The following CRTC2 variants were observed in gnomAD, a reference collection of about 807,000 sequenced individuals.
CRTC2 encodes the protein CREB regulated transcription coactivator 2, also known as CREB-regulated transcription coactivator 2.
In CRTC2, 25 loss-of-function variants were observed where a neutral mutation model predicts 70.9. The ratio of observed to expected loss-of-function variants is 0.35; its 90% confidence interval spans 0.26 to 0.49. CRTC2 has a LOEUF of 0.49. Ranked by LOEUF, CRTC2 falls within the 20% of genes least tolerant of loss-of-function variation. The probability of loss-of-function intolerance (pLI) is 0.98; values close to 1 mark genes in which losing one functional copy is unlikely to be tolerated. For missense variants in CRTC2, 737 were observed against 882.6 expected, an observed-to-expected ratio of 0.83 and a Z score of 2.09; for synonymous variants, 330 against 364.1, an observed-to-expected ratio of 0.91 and a Z score of 1.07.
chr1:153,958,555 G>T lies in CRTC2; in HGVS notation c.-58C>A. 1 of 1,482,894 alleles carries T rather than the reference G, an allele frequency of 6.7e-7. No homozygotes were observed. The highest frequency in any genetic ancestry group is 9.0e-7 in the Non-Finnish European group (1 of 1,109,090). 91.9% of individuals were successfully genotyped at this position (1,482,894 alleles called of 1,614,324 possible). Reference sequence around the variant, plus strand: ...AGTACCAGCCGCGGCCTCCGCCGCGGCCTCGGCCCGGCTCCTCCAGCCGTA... The same window carrying T: ...AGTACCAGCCGCGGCCTCCGCCGCGTCCTCGGCCCGGCTCCTCCAGCCGTA... On this transcript the variant is annotated 5_prime_UTR_variant, in exon 1 of 14. Transcript: ENST00000368633.
intron 8 of CRTC2, 47 bp downstream of exon 8, chr1:153,952,524 G>A: frequency 6.2e-7 from 1 of 1,612,580 alleles, no homozygotes; most frequent in Admixed American, 1.7e-5. Flanking sequence ...CCATGGCAAG[G>A]GGATAGCAGA....
chr1:153,947,953 A>G lies in CRTC2; in HGVS notation c.*156T>C. The G allele has an allele frequency of 1.2e-6, 1 of 801,496 alleles. No homozygotes were observed. Among genetic ancestry groups the G allele is most frequent in the Non-Finnish European group, 2.0e-6 (1 of 493,952 alleles). The allele number at this position is 801,496 out of a possible 1,614,324, so 49.6% of individuals were successfully genotyped here. A position where few individuals can be genotyped will look rare whatever the true frequency, so the allele number is the denominator to read the frequency against. On this transcript the variant is annotated 3_prime_UTR_variant, in exon 14 of 14. Coordinates refer to ENST00000368633, the MANE Select transcript of CRTC2 (RefSeq NM_181715.3). ...TGCGCAGAATTCAGGGGCCACCTGG[A>G]CAAACCCCTTGCTTTTTCTCATTCT...
intron 11 of CRTC2, among the ~76,000 whole-genome samples, chr1:153,949,993 C>G (rs1210227409): frequency 8.5e-5 from 13 of 152,172 alleles, no homozygotes; most frequent in Non-Finnish European, 2.9e-5. Context: ...TACAGTGGTG[C>G]AATCATAGTT....
intron 9 of CRTC2, 31 bp downstream of exon 9, chr1:153,952,366 C>T: frequency 1.2e-6 from 2 of 1,612,728 alleles, no homozygotes; most frequent in Non-Finnish European, 1.7e-6. Context: ...TTCCTTCCCC[C>T]ACCTCTCAGC....
Position 153,951,393 on chromosome 1 carries a change from G to A in CRTC2, c.1271C>T (p.Ser424Phe). The A allele has an allele frequency of 1.2e-6, 2 of 1,610,616 alleles. No homozygotes were observed. The highest frequency in any genetic ancestry group is 2.2e-5 in the East Asian group (1 of 44,776). The change falls in exon 11 of 14, where the codon TCC becomes TTC. Residue 424 changes from serine (S) to phenylalanine (F), a missense_variant. This residue lies in a region of CRTC2 where 699 missense variants were observed against 823.7 expected (regional missense o/e 0.85). Coordinates refer to ENST00000368633, the MANE Select transcript of CRTC2 (RefSeq NM_181715.3). ...PSYPASTPGASPHHRRVPLSP... is the reference protein window; with the variant it reads ...PSYPASTPGAFPHHRRVPLSP... ...GAGGGGCACACGGCGGTGGTGGGGG[G>A]AGGCCCCAGGGGTAGAAGCAGGGTA...
intron 11 of CRTC2, 37 bp from the exon 12 acceptor site, chr1:153,949,421 G>A (rs770299090): frequency 3.9e-6 from 6 of 1,544,430 alleles, no homozygotes; most frequent in Non-Finnish European, 5.2e-6. Context: ...TTACTGCTCA[G>A]TGTATACCCC....
chr1:153,954,402 T>C, intron 3 of CRTC2, 86 bp from the exon 4 acceptor site: 2 of 935,592 alleles, frequency 2.1e-6, no homozygotes, highest in East Asian at 2.6e-5. Flanking sequence ...AGCAGATAAG[T>C]TGTTTCAAGA....
rs201148360 is a variant in CRTC2 at position 153,951,428 on chromosome 1, G to A, written c.1236C>T (p.Gly412=). Residue 412 remains glycine, a synonymous_variant, in exon 11 of 14, where the codon GGC becomes GGT. Transcript: ENST00000368633. Reference sequence around the variant, plus strand: ...GGGTAGAAGCAGGGTAAGAGGGGGCGCCCAAAACAGGAGATGAAGTGGAGG... The same window carrying A: ...GGGTAGAAGCAGGGTAAGAGGGGGCACCCAAAACAGGAGATGAAGTGGAGG... ...SSSSTSSPVL[G]APSYPASTPG... is the part of the protein sequence containing the mutation. 34 of 1,602,508 alleles carry A rather than the reference G, an allele frequency of 2.1e-5. No homozygotes were observed. Among genetic ancestry groups the A allele is most frequent in the Middle Eastern group, 1.7e-4 (1 of 5,988 alleles).
In CRTC2 at chr1:153,958,384, C is replaced by A. The variant is rs767939805; in HGVS notation, c.114G>T (p.Ala38=). The A allele has an allele frequency of 2.3e-5, 37 of 1,613,072 alleles. No homozygotes were observed. In the South Asian group the frequency reaches 4.1e-4, roughly 18 times the overall value. ...TGTCCATCATCACCTCCTCGAAGGC[C>A]GCCGTCTCCTCGGCCTGACGCTGCT... ...LQKQRQAEET[A]AFEEVMMDIG... is the part of the protein sequence containing the mutation. The change falls in exon 1 of 14, where the codon GCG becomes GCT. Residue 38 remains alanine, a synonymous_variant. Transcript: ENST00000368633.
rs569693574 is a variant in CRTC2, at chr1:153,955,316, C to T, written c.154-150G>A. 2.5e-4 allele frequency: 163 copies of T among 648,834 alleles called. 1 individual carries two copies. The South Asian group carries it at 2.8e-3, about 11-fold the overall frequency. The allele number at this position is 648,834 out of a possible 1,614,324, so 40.2% of individuals were successfully genotyped here. On this transcript the variant is annotated intron_variant, in intron 1 of 13. Coordinates refer to ENST00000368633, the MANE Select transcript of CRTC2 (RefSeq NM_181715.3). ...GGCACAGTAGCTCACACCTGTAATC[C>T]CAGCACTTTGGGAGGCCGAGGCAGG...
At chr1:153,953,068 A>C in intron 6 of CRTC2, 198 bp downstream of exon 6, 1 of 619,350 alleles carries the variant, frequency 1.6e-6, no homozygotes, top group Non-Finnish European at 2.8e-6. Context: ...CTGTAATCCC[A>C]GCTACTCAGG....
At position 153,948,289 on chromosome 1, in the gene CRTC2, G is replaced by C. The variant is rs1273042793; in HGVS notation, c.1902C>G (p.Ala634=). The C allele has an allele frequency of 6.2e-7, 1 of 1,614,262 alleles. No homozygotes were observed. Among genetic ancestry groups the C allele is most frequent in the Non-Finnish European group, 8.5e-7 (1 of 1,180,052 alleles). ...CCTCAAAGCCAGGCACTCCGGCCAG[G>C]GCTGCTGCAATCTCCTTAGAGAAAC... ...SPGFSKEIAA[A]LAGVPGFEVS... Residue 634 remains alanine (A), a synonymous_variant, in exon 14 of 14, where the codon GCC becomes GCG. Transcript: ENST00000368633.
chr1:153,948,654 T>TA lies in CRTC2; in HGVS notation c.1675-11dup. The TA allele has an allele frequency of 6.4e-7, 1 of 1,571,650 alleles. No homozygotes were observed. The highest frequency in any genetic ancestry group is 8.6e-7 in the Non-Finnish European group (1 of 1,159,838). Reference sequence around the variant, plus strand: ...TGCTGAACTGCTCCAGCTATAGACATACAGACAAATCTTTAGGAAGTAGGA... The same window carrying TA: ...TGCTGAACTGCTCCAGCTATAGACATAACAGACAAATCTTTAGGAAGTAGGA... On this transcript the variant is annotated splice_polypyrimidine_tract_variant and intron_variant, in intron 12 of 13. Coordinates refer to ENST00000368633, the MANE Select transcript of CRTC2 (RefSeq NM_181715.3).
At chr1:153,949,007 A>T in intron 12 of CRTC2, 108 bp downstream of exon 12, 2 of 1,172,424 alleles carry the variant, frequency 1.7e-6, no homozygotes, top group South Asian at 2.5e-5. Flanking sequence ...CCCACCACCC[A>T]CCCCACCTAG....
intron 11 of CRTC2, 120 bp downstream of exon 11, chr1:153,951,140 A>G (rs1680292057): frequency 1.1e-5 from 12 of 1,071,856 alleles, no homozygotes; most frequent in Middle Eastern, 2.4e-4. Context: ...GGCGGAGGAC[A>G]GAGGAATGGA....
chr1:153,949,358 C>A lies in CRTC2; in HGVS notation c.1431G>T (p.Leu477=). 1 of 1,612,938 alleles carries A rather than the reference C, an allele frequency of 6.2e-7. No homozygotes were observed. The highest frequency in any genetic ancestry group is 8.5e-7 in the Non-Finnish European group (1 of 1,179,588). ...TQGVPLDTSK[L]STDQRLPPYP... is the part of the protein sequence containing the mutation. Reference sequence around the variant, plus strand: ...ATGGGGGTAACCGCTGGTCAGTGGACAGTTTACTGGTATCCAGGGGGACGC... The same window carrying A: ...ATGGGGGTAACCGCTGGTCAGTGGAAAGTTTACTGGTATCCAGGGGGACGC... The change falls in exon 12 of 14, where the codon CTG becomes CTT. Residue 477 remains leucine (L), a synonymous_variant. Coordinates refer to ENST00000368633, the MANE Select transcript of CRTC2 (RefSeq NM_181715.3).
chr1:153,955,204 C>A (rs1372372693), intron 1 of CRTC2, 38 bp from the exon 2 acceptor site: 2 of 1,475,584 alleles, frequency 1.4e-6, no homozygotes, highest in Non-Finnish European at 9.4e-7. Flanking sequence ...TCAGGAGGGT[C>A]CTGAGCACTA....
intron 1 of CRTC2, among the ~76,000 whole-genome samples, chr1:153,956,401 T>C (rs1680614800): frequency 6.6e-6 from 1 of 152,194 alleles, no homozygotes; most frequent in South Asian, 2.1e-4. Flanking sequence ...CCTGTCTCTG[T>C]GAGAGGTGAG....
chr1:153,951,748 G>T, intron 10 of CRTC2, 82 bp from the exon 11 acceptor site: 2 of 1,472,196 alleles, frequency 1.4e-6, no homozygotes, highest in South Asian at 1.2e-5. Context: ...GGGTGGCAGT[G>T]ACCAGACTAT....
Sources: allele counts gnomAD v4.1 joint callset (sites outside exome capture counted in the v4.1 genomes callset), GRCh38; gene constraint gnomAD v4.1.1; regional missense constraint gnomAD v4.1.1; transcripts MANE v1.5; gene names NCBI Gene and HGNC (gene_info 2026-07-23, HGNC 2026-07-21).